The following FOXN2 variants were observed in gnomAD, a reference collection of about 807,000 sequenced individuals.
FOXN2 encodes forkhead box protein N2.
FOXN2 carries 19 observed loss-of-function variants against 41.2 expected under a neutral mutation model. The observed-to-expected ratio is 0.46, with a 90% confidence interval of 0.32 to 0.68. FOXN2 has a LOEUF of 0.68. FOXN2 is among the 30% of genes least tolerant of loss of function. The probability of loss-of-function intolerance (pLI) is 0.03; values close to 1 mark genes in which losing one functional copy is unlikely to be tolerated. For missense variants in FOXN2, 587 were observed against 509.4 expected, an observed-to-expected ratio of 1.15 and a Z score of -1.47; for synonymous variants, 195 against 176.8, an observed-to-expected ratio of 1.10 and a Z score of -0.82.
At position 48,375,565 on chromosome 2, in the gene FOXN2, ATTTTTGG is replaced by A. The variant is rs1274344990; in HGVS notation, c.*135_*141del. 8.9e-7 allele frequency: 1 copy of A among 1,121,028 alleles called. No individual in the cohort carries two copies. The highest frequency in any genetic ancestry group is 2.6e-5 in the East Asian group (1 of 38,432). The allele number at this position is 1,121,028 out of a possible 1,614,324, so 69.4% of individuals were successfully genotyped here. ...ACTAATTACTTATTTCTTTCAAAAC[ATTTTTGG>A]TTTTTGGTTTTTAAAATTTTTATTA... On this transcript the variant is annotated 3_prime_UTR_variant, in exon 7 of 7. Coordinates refer to ENST00000340553, the MANE Select transcript of FOXN2 (RefSeq NM_002158.4).
chr2:48,341,227 T>C (rs1282778140), intron 2 of FOXN2, among the ~76,000 whole-genome samples: 2 of 152,160 alleles, frequency 1.3e-5, no homozygotes, highest in Admixed American at 6.5e-5. Context: ...TGACCATGCA[T>C]ATTATTAATG....
At chr2:48,314,197 C>T (rs1282193983), upstream of FOXN2, among the ~76,000 whole-genome samples, 13 of 152,256 alleles carry the variant, frequency 8.5e-5, no homozygotes, top group Non-Finnish European at 1.9e-4. Flanking sequence ...AGGAAGGTCT[C>T]CTCAGCCCGG....
In FOXN2 at chr2:48,356,360, G is replaced by A. The variant is rs939394252; in HGVS notation, c.538-2687G>A. Among the ~76,000 whole-genome samples the A allele has an allele frequency of 4.7e-4, 71 of 151,508 alleles. 2 individuals are homozygous for A. Among genetic ancestry groups the A allele is most frequent in the Middle Eastern group, 3.5e-3 (1 of 286 alleles). The stretch of plus-strand genomic sequence containing the variant: ...GGAGGCTGAGGCAAGGGAATCGTCC[G>A]AACCTGGGAGGCGGAGGTTGCAGTG... On this transcript the variant is annotated intron_variant, in intron 3 of 6. Transcript: ENST00000340553.
At chr2:48,329,845 TC>T (rs112975645) in intron 2 of FOXN2, among the ~76,000 whole-genome samples, 8 of 152,040 alleles carry the variant, frequency 5.3e-5, no homozygotes, top group Non-Finnish European at 7.4e-5. Flanking sequence ...GCCTTTTTTT[TC>T]CTTACATGAG....
In FOXN2 at chr2:48,373,366, T is replaced by A; in HGVS notation, c.772+6T>A. 1.3e-6 allele frequency: 2 copies of A among 1,545,580 alleles called. No homozygotes were observed. The highest frequency in any genetic ancestry group is 1.8e-6 in the Non-Finnish European group (2 of 1,139,282). ...AGAACAAGGAATTTTAGAATGTAAG[T>A]AATCATGCCTTTTTTAAAAAAAAAT... On this transcript the variant is annotated splice_donor_region_variant and intron_variant, in intron 6 of 6. Transcript: ENST00000340553.
Position 48,377,121 on chromosome 2 carries a change from C to G in FOXN2, c.*1678C>G, listed in dbSNP as rs1466601309. On this transcript the variant is annotated 3_prime_UTR_variant, in exon 7 of 7. Coordinates refer to ENST00000340553, the MANE Select transcript of FOXN2 (RefSeq NM_002158.4). ...GTTTCCATGTTAAATTTAATTTAACCTGGATAGCCACATTAATGAATTGGT... is the reference window on the plus strand; with the variant it reads ...GTTTCCATGTTAAATTTAATTTAACGTGGATAGCCACATTAATGAATTGGT... The G allele has an allele frequency of 6.6e-6, 1 of 151,480 alleles. No homozygotes were observed. Among genetic ancestry groups the G allele is most frequent in the Non-Finnish European group, 1.5e-5 (1 of 67,758 alleles). The allele number at this position is 151,480 out of a possible 1,614,324, so 9.4% of individuals were successfully genotyped here. A position where few individuals can be genotyped will look rare whatever the true frequency, so the allele number is the denominator to read the frequency against.
At chr2:48,340,925 G>A (rs1218749310) in intron 2 of FOXN2, 1 of 152,182 alleles carries the variant, frequency 6.6e-6, no homozygotes, top group Non-Finnish European at 1.5e-5. Flanking sequence ...CTTTGCTAAA[G>A]TGTATAGTAC....
intron 5 of FOXN2, among the ~76,000 whole-genome samples, chr2:48,367,580 A>G (rs1672613347): frequency 6.6e-6 from 1 of 152,228 alleles, no homozygotes; most frequent in South Asian, 2.1e-4. Flanking sequence ...AAATGTATAT[A>G]TTAGTTTTGA....
intron 2 of FOXN2, among the ~76,000 whole-genome samples, chr2:48,334,613 G>A (rs895063354): frequency 2.0e-5 from 3 of 152,154 alleles, no homozygotes; most frequent in Admixed American, 2.0e-4. Context: ...GGCGCAAAGG[G>A]GAGAGTACTT....
At chr2:48,368,093 C>T (rs757485217) in intron 5 of FOXN2, among the ~76,000 whole-genome samples, 34 of 152,148 alleles carry the variant, frequency 2.2e-4, no homozygotes, top group Non-Finnish European at 4.1e-4. Flanking sequence ...CCACCCACCT[C>T]GGCCTCCCAA....
intron 5 of FOXN2, among the ~76,000 whole-genome samples, chr2:48,365,880 G>A (rs544049586): frequency 6.6e-6 from 1 of 152,126 alleles, no homozygotes; most frequent in African/African-American, 2.4e-5. Flanking sequence ...TTGTTTTGGG[G>A]TATATTTCTG....
At chr2:48,330,396 C>T (rs890393665) in intron 2 of FOXN2, among the ~76,000 whole-genome samples, 8 of 152,162 alleles carry the variant, frequency 5.3e-5, no homozygotes, top group Non-Finnish European at 1.0e-4. Flanking sequence ...ATGCAGCTTC[C>T]ATAAAATTCA....
At chr2:48,345,936 A>G (rs78994523) in intron 2 of FOXN2, among the ~76,000 whole-genome samples, 2,755 of 152,286 alleles carry the variant, frequency 0.018, 36 homozygotes, top group South Asian at 0.045. Context: ...AGTATTTAAA[A>G]TACACTATTT....
chr2:48,368,663 G>T (rs1370320739), intron 5 of FOXN2, among the ~76,000 whole-genome samples: 1 of 152,218 alleles, frequency 6.6e-6, no homozygotes, highest in Non-Finnish European at 1.5e-5. Context: ...TTGCACTCCA[G>T]CTTGGACAAC....
intron 3 of FOXN2, among the ~76,000 whole-genome samples, chr2:48,358,673 AT>A (rs1558633961): frequency 6.6e-6 from 1 of 152,228 alleles, no homozygotes; most frequent in East Asian, 1.9e-4. Context: ...ATCATAGAAG[AT>A]TTGATACACG....
Position 48,378,535 on chromosome 2 carries a change from A to G in FOXN2, c.*3092A>G, listed in dbSNP as rs1184124176. ...GTAGACCAGGAGGCCTTTGCCAGCA[A>G]TTTAAGCAACAGATGTGAATACTTC... On this transcript the variant is annotated 3_prime_UTR_variant, in exon 7 of 7. Transcript: ENST00000340553. The G allele has an allele frequency of 6.6e-6, 1 of 152,276 alleles. No individual in the cohort carries two copies. The highest frequency in any genetic ancestry group is 1.5e-5 in the Non-Finnish European group (1 of 67,926). 9.4% of individuals were successfully genotyped at this position (152,276 alleles called of 1,614,324 possible).
At chr2:48,332,550 G>T (rs150622629) in intron 2 of FOXN2, among the ~76,000 whole-genome samples, 1 of 152,146 alleles carries the variant, frequency 6.6e-6, no homozygotes, top group Non-Finnish European at 1.5e-5. Context: ...GTCATTGGTC[G>T]TGAGGGAGAT....
chr2:48,379,015 T>C lies in FOXN2; in HGVS notation c.*3572T>C, dbSNP rs939700523. ...TTTTTAAATGAAAGTGTAAGAATGCTTTCTGATTCAACAAATTTGTTATCA... is the reference window on the plus strand; with the variant it reads ...TTTTTAAATGAAAGTGTAAGAATGCCTTCTGATTCAACAAATTTGTTATCA... On this transcript the variant is annotated 3_prime_UTR_variant, in exon 7 of 7. Transcript: ENST00000340553. The C allele has an allele frequency of 6.6e-6, 1 of 152,620 alleles. No individual in the cohort carries two copies. The highest frequency in any genetic ancestry group is 2.4e-5 in the African/African-American group (1 of 41,456). The allele number at this position is 152,620 out of a possible 1,614,324, so 9.5% of individuals were successfully genotyped here. A position where few individuals can be genotyped will look rare whatever the true frequency, so the allele number is the denominator to read the frequency against.
chr2:48,344,880 G>C (rs2104362584), intron 2 of FOXN2, among the ~76,000 whole-genome samples: 2 of 147,304 alleles, frequency 1.4e-5, no homozygotes, highest in Middle Eastern at 8.1e-3. Flanking sequence ...AAGCATAAGT[G>C]GGTTGAATAG....
Sources: gnomAD v4.1 joint callset for allele counts (sites outside exome capture counted in the v4.1 genomes callset) on GRCh38, gnomAD v4.1.1 for gene constraint, MANE v1.5 for transcripts, NCBI Gene and HGNC (gene_info 2026-07-23, HGNC 2026-07-21) for gene names.